Variants in KALRN observed in about 807,000 individuals in gnomAD.
The protein encoded by KALRN is kalirin RhoGEF kinase.
In KALRN, 70 loss-of-function variants were observed where a neutral mutation model predicts 353.7. The observed-to-expected ratio is 0.20, with a 90% CI of 0.16 to 0.24. The LOEUF (loss-of-function observed/expected upper bound fraction) is 0.24. Ranked by LOEUF, KALRN falls within the 10% of genes least tolerant of loss-of-function variation. The pLI, the probability that KALRN is intolerant of heterozygous loss-of-function variation, is 1.00. For missense variants in KALRN, 2,791 were observed against 3,756.7 expected (o/e 0.74, Z 6.72); for synonymous variants, 1,391 against 1,434.8 (o/e 0.97, Z 0.69).
At position 124,326,182 on chromosome 3, in the gene KALRN, G is replaced by C. The variant is rs1347085076; in HGVS notation, c.1284+11G>C. On this transcript the variant is annotated intron_variant, in intron 7 of 59. Transcript: ENST00000682506. ...CAGAAGGCTGAGCAGGTAAGGTGCA[G>C]AAACCTGCAGCAGCTGCTGTTGGTA... The C allele has an allele frequency of 6.2e-7, 1 of 1,604,002 alleles. No individual in the cohort carries two copies. Among genetic ancestry groups the C allele is most frequent in the East Asian group, 2.2e-5 (1 of 44,756 alleles).
intron 1 of KALRN, among the ~76,000 whole-genome samples, chr3:124,130,467 A>G (rs778724198): frequency 1.3e-5 from 2 of 152,216 alleles, no homozygotes; most frequent in Non-Finnish European, 2.9e-5. Flanking sequence ...GTGATACTTT[A>G]AAAATGACTA....
chr3:124,107,580 C>T (rs2062424523), intron 1 of KALRN, among the ~76,000 whole-genome samples: 1 of 152,200 alleles, frequency 6.6e-6, no homozygotes, highest in Admixed American at 6.5e-5. Flanking sequence ...TCCTTAACTG[C>T]TGCCTCATGC....
intron 34 of KALRN, among the ~76,000 whole-genome samples, chr3:124,622,507 A>C (rs1449030777): frequency 6.6e-6 from 1 of 152,148 alleles, no homozygotes; most frequent in Non-Finnish European, 1.5e-5. Flanking sequence ...GAGTTGTACT[A>C]CTCAAGCCAA....
At chr3:124,596,185 G>GAAA (rs5852417) in intron 34 of KALRN, among the ~76,000 whole-genome samples, 2 of 136,132 alleles carry the variant, frequency 1.5e-5, no homozygotes, top group Non-Finnish European at 1.6e-5. Flanking sequence ...CCATCTTAAA[G>GAAA]AAAAAAAAAA....
chr3:124,628,742 A>ATTTTTTTTTTTTTTT (rs58523719), intron 34 of KALRN, among the ~76,000 whole-genome samples: 1 of 100,096 alleles, frequency 1.0e-5, no homozygotes, highest in African/African-American at 4.7e-5. Flanking sequence ...CACCTGGCTA[A>ATTTTTTTTTTTTTTT]TTTTTTTTTT....
intron 17 of KALRN, among the ~76,000 whole-genome samples, chr3:124,436,208 T>C (rs1328892205): frequency 6.6e-6 from 1 of 152,212 alleles, no homozygotes; most frequent in Non-Finnish European, 1.5e-5. Flanking sequence ...TAATTTGAGA[T>C]GGATCAAGAT....
chr3:124,547,316 A>C (rs1329602919), intron 33 of KALRN, among the ~76,000 whole-genome samples: 1 of 150,098 alleles, frequency 6.7e-6, no homozygotes, highest in Non-Finnish European at 1.5e-5. Flanking sequence ...ATTTTTATTT[A>C]TTTAGTATTT....
At chr3:124,299,015 G>C in intron 6 of KALRN, 102 bp downstream of exon 6, 1 of 1,453,068 alleles carries the variant, frequency 6.9e-7, no homozygotes, top group Non-Finnish European at 9.6e-7. Flanking sequence ...GAAGAACTGT[G>C]AACATGCTGA....
rs113375023 is a variant in KALRN at position 124,441,896 on chromosome 3, A to G, written c.3199-49A>G. On this transcript the variant is annotated intron_variant, in intron 18 of 59. Coordinates refer to ENST00000682506, the MANE Select transcript of KALRN (RefSeq NM_001388419.1). Reference sequence around the variant, plus strand: ...GGGTATGCCTTCTCCATTGTCTTGGATTCCATACACCTGCTGGGACAGGGG... The same window carrying G: ...GGGTATGCCTTCTCCATTGTCTTGGGTTCCATACACCTGCTGGGACAGGGG... 9.5e-5 allele frequency: 114 copies of G among 1,201,622 alleles called. 1 individual carries two copies. In the African/African-American group the frequency reaches 1.5e-3, roughly 16 times the overall value. 74.4% of individuals were successfully genotyped at this position (1,201,622 alleles called of 1,614,324 possible).
Position 124,084,549 on chromosome 3 carries a change from G to A in KALRN, c.73+50736G>A, listed in dbSNP as rs189402328. Among the ~76,000 whole-genome samples, 43 of 152,322 alleles carry A rather than the reference G, an allele frequency of 2.8e-4. No individual in the cohort carries two copies. The East Asian group carries it at 7.7e-3, about 27-fold the overall frequency. ...ATGCTTTCAAGATGAGCTCCATACA[G>A]TTTTAGCACATCTGTCTCTTTCACC... On this transcript the variant is annotated intron_variant, in intron 1 of 59. Transcript: ENST00000682506.
At chr3:124,161,196 A>T (rs900720002) in intron 1 of KALRN, among the ~76,000 whole-genome samples, 1 of 152,210 alleles carries the variant, frequency 6.6e-6, no homozygotes, top group Non-Finnish European at 1.5e-5. Context: ...AAAGTAATGT[A>T]CATACAGGAC....
intron 1 of KALRN, among the ~76,000 whole-genome samples, chr3:124,191,719 T>C (rs2074939443): frequency 3.9e-5 from 6 of 152,198 alleles, no homozygotes; most frequent in South Asian, 2.1e-4. Context: ...CACAGCATGG[T>C]AGTCTCAGGG....
chr3:124,679,787 T>G, intron 51 of KALRN: 1 of 516,174 alleles, frequency 1.9e-6, no homozygotes, highest in South Asian at 2.1e-5. Context: ...AGGTTTGACT[T>G]TATGTAGAAA....
chr3:124,340,578 C>T (rs930428462), intron 9 of KALRN, among the ~76,000 whole-genome samples: 2 of 152,084 alleles, frequency 1.3e-5, no homozygotes, highest in African/African-American at 4.8e-5. Flanking sequence ...TTACAAAGTC[C>T]TTAAGACCAG....
At chr3:124,472,843 A>G (rs1200821374) in intron 25 of KALRN, among the ~76,000 whole-genome samples, 21 of 152,132 alleles carry the variant, frequency 1.4e-4, no homozygotes, top group Non-Finnish European at 7.4e-5. Context: ...AGCACTACAT[A>G]TTTGCATTTC....
chr3:124,696,306 A>G (rs1345712260), intron 54 of KALRN, 51 bp downstream of exon 54: 1 of 1,573,974 alleles, frequency 6.4e-7, no homozygotes, highest in South Asian at 1.1e-5. Context: ...ATATTTTTAG[A>G]CAGGTTCTTG....
chr3:124,044,738 C>T (rs2040273683), intron 1 of KALRN, among the ~76,000 whole-genome samples: 1 of 151,682 alleles, frequency 6.6e-6, no homozygotes, highest in Non-Finnish European at 1.5e-5. Context: ...ACTAGTATGA[C>T]ATATTACATG....
At chr3:124,143,294 G>A (rs1363648730) in intron 1 of KALRN, among the ~76,000 whole-genome samples, 2 of 152,250 alleles carry the variant, frequency 1.3e-5, no homozygotes, top group East Asian at 1.9e-4. Context: ...TGGTGGATGT[G>A]TTTCCCTCTC....
rs2063742332 is a variant in KALRN, at chr3:124,495,984, T to TATATAC, written c.4833-322_4833-321insCATATA. 7.9e-4 allele frequency among the ~76,000 whole-genome samples: 37 copies of TATATAC among 46,988 alleles called. 1 individual carries two copies. The highest frequency in any genetic ancestry group is 9.4e-4 in the Non-Finnish European group (26 of 27,562). 30.8% of individuals were successfully genotyped at this position (46,988 alleles called of 152,430 possible). A position where few individuals can be genotyped will look rare whatever the true frequency, so the allele number is the denominator to read the frequency against. ...ATGTATGTATATATATATATATATA[T>TATATAC]ATATATATATATATATATATATATA... On this transcript the variant is annotated intron_variant, in intron 32 of 59. Transcript: ENST00000682506.
Sources: allele counts gnomAD v4.1 joint callset (sites outside exome capture counted in the v4.1 genomes callset), GRCh38; gene constraint gnomAD v4.1.1; transcripts MANE v1.5; gene names NCBI Gene and HGNC (gene_info 2026-07-23, HGNC 2026-07-21).